The following AFF1 variants were observed in gnomAD, a reference collection of about 807,000 sequenced individuals.
The protein encoded by AFF1 is AF4/FMR2 family member 1.
Under a neutral mutation model 121.7 loss-of-function variants are expected in AFF1, and 48 were observed. The ratio of observed to expected loss-of-function variants is 0.39; its 90% CI spans 0.31 to 0.50. The LOEUF is 0.50. Ranked by LOEUF, AFF1 falls within the 20% of genes least tolerant of loss-of-function variation. AFF1 has a pLI of 0.76. For synonymous variants in AFF1, 613 were observed against 563.0 expected (o/e 1.09, Z -1.26); for missense variants, 1,523 against 1,511.7 (o/e 1.01, Z -0.12).
chr4:87,005,240 A>G (rs1726012086), intron 2 of AFF1, among the ~76,000 whole-genome samples: 2 of 152,282 alleles, frequency 1.3e-5, no homozygotes, highest in South Asian at 4.1e-4. Context: ...TAGCCTCCCA[A>G]AGTGCTGGGA....
At chr4:86,988,325 C>A (rs1228295528) in intron 2 of AFF1, among the ~76,000 whole-genome samples, 1 of 152,154 alleles carries the variant, frequency 6.6e-6, no homozygotes, top group Non-Finnish European at 1.5e-5. Flanking sequence ...TCTCTCCATA[C>A]CCCGCCTCCC....
intron 2 of AFF1, among the ~76,000 whole-genome samples, chr4:87,021,274 T>C (rs554280359): frequency 6.6e-6 from 1 of 152,324 alleles, no homozygotes; most frequent in East Asian, 1.9e-4. Context: ...CCGTGTTCTT[T>C]GTAGATTTTC....
intron 5 of AFF1, among the ~76,000 whole-genome samples, 181 bp downstream of exon 5, chr4:87,084,345 C>A (rs1723477442): frequency 6.6e-6 from 1 of 151,966 alleles, no homozygotes; most frequent in South Asian, 2.1e-4. Flanking sequence ...TCACGACCAG[C>A]CTGGACAACA....
chr4:87,122,125 A>G (rs1297857640), intron 12 of AFF1, among the ~76,000 whole-genome samples: 4 of 152,218 alleles, frequency 2.6e-5, no homozygotes, highest in Non-Finnish European at 5.9e-5. Context: ...CTAATGTTCA[A>G]TTTAGTATCG....
chr4:87,091,931 C>A (rs917863789), intron 7 of AFF1, 102 bp downstream of exon 7: 1 of 758,568 alleles, frequency 1.3e-6, no homozygotes, highest in Non-Finnish European at 2.2e-6. Context: ...GAGATGAGGC[C>A]TTCCTATGTT....
At chr4:87,124,337 G>T (rs2149788180) in intron 12 of AFF1, among the ~76,000 whole-genome samples, 1 of 151,932 alleles carries the variant, frequency 6.6e-6, no homozygotes, top group East Asian at 1.9e-4. Context: ...TCTTTTCAGG[G>T]TTTTTTGAAA....
intron 8 of AFF1, among the ~76,000 whole-genome samples, chr4:87,098,145 G>T (rs1725060778): frequency 6.6e-6 from 1 of 152,166 alleles, no homozygotes; most frequent in Non-Finnish European, 1.5e-5. Flanking sequence ...ATAAAAGAGA[G>T]GCCCAGTAGT....
chr4:86,944,466 A>C lies in AFF1; in HGVS notation c.-36-4032A>C, dbSNP rs187368675. ...ACTGCAAGCTCCATCTCCCAGGTTC[A>C]CGCCATTCTCCTGCCTCAGGCACGC... On this transcript the variant is annotated intron_variant, in intron 1 of 20. Transcript: ENST00000395146. Among the ~76,000 whole-genome samples, 586 of 151,608 alleles carry C rather than the reference A, an allele frequency of 3.9e-3. 3 individuals are homozygous for C. The highest frequency in any genetic ancestry group is 0.013 in the African/African-American group (555 of 41,218).
intron 5 of AFF1, among the ~76,000 whole-genome samples, chr4:87,088,401 A>G (rs1197682882): frequency 2.6e-5 from 4 of 152,230 alleles, no homozygotes; most frequent in Non-Finnish European, 5.9e-5. Context: ...GGGAAGGGCA[A>G]CGGGAGACCT....
At chr4:87,051,842 G>A (rs1227987691) in intron 4 of AFF1, among the ~76,000 whole-genome samples, 1 of 152,166 alleles carries the variant, frequency 6.6e-6, no homozygotes, top group African/African-American at 2.4e-5. Flanking sequence ...TGAGATCAAG[G>A]TAGACAGATC....
In AFF1 at chr4:87,136,268, A is replaced by G. The variant is rs1578333644; in HGVS notation, c.*567A>G. The G allele has an allele frequency of 1.3e-5, 3 of 232,156 alleles. No homozygotes were observed. In the East Asian group the frequency reaches 1.8e-4, roughly 14 times the overall value. 14.4% of individuals were successfully genotyped at this position (232,156 alleles called of 1,614,324 possible). A position where few individuals can be genotyped will look rare whatever the true frequency, so the allele number is the denominator to read the frequency against. Reference sequence around the variant, plus strand: ...CTCCACTGTGCCCCACTTTCTGCCAATGAACAGTGGCTTGATAATACCAAG... The same window carrying G: ...CTCCACTGTGCCCCACTTTCTGCCAGTGAACAGTGGCTTGATAATACCAAG... On this transcript the variant is annotated 3_prime_UTR_variant, in exon 21 of 21. Coordinates refer to ENST00000395146, the MANE Select transcript of AFF1 (RefSeq NM_001166693.3).
chr4:87,079,381 T>C (rs1284162442), intron 4 of AFF1, among the ~76,000 whole-genome samples: 2 of 152,258 alleles, frequency 1.3e-5, no homozygotes, highest in African/African-American at 4.8e-5. Context: ...CACAATGTCA[T>C]TCCAGGAGGA....
intron 2 of AFF1, among the ~76,000 whole-genome samples, chr4:87,023,421 A>G (rs977310709): frequency 6.9e-6 from 1 of 144,828 alleles, no homozygotes; most frequent in South Asian, 2.1e-4. Context: ...TTACTGACTT[A>G]TTATAAAAAC....
At chr4:86,996,628 T>A (rs1005367326) in intron 2 of AFF1, among the ~76,000 whole-genome samples, 5 of 151,746 alleles carry the variant, frequency 3.3e-5, no homozygotes, top group African/African-American at 1.2e-4. Flanking sequence ...ACCAGAGACC[T>A]TTGTTCACTT....
chr4:87,083,949 A>G (rs1253902275), intron 4 of AFF1, among the ~76,000 whole-genome samples, 171 bp from the exon 5 acceptor site: 1 of 152,136 alleles, frequency 6.6e-6, no homozygotes, highest in East Asian at 1.9e-4. Context: ...TGCTTTTGGT[A>G]GAAATGGGGT....
At chr4:87,087,310 C>A (rs1287791045) in intron 5 of AFF1, among the ~76,000 whole-genome samples, 1 of 152,170 alleles carries the variant, frequency 6.6e-6, no homozygotes, top group East Asian at 1.9e-4. Context: ...AAGAGAAATA[C>A]ATAGTGTTGG....
chr4:87,088,601 G>A (rs1723969349), intron 5 of AFF1, among the ~76,000 whole-genome samples: 1 of 123,800 alleles, frequency 8.1e-6, no homozygotes, highest in South Asian at 2.9e-4. Flanking sequence ...AGAGTTGTAT[G>A]TCAATTTTTT....
At chr4:86,989,069 A>G (rs1196648216) in intron 2 of AFF1, among the ~76,000 whole-genome samples, 1 of 152,220 alleles carries the variant, frequency 6.6e-6, no homozygotes, top group African/African-American at 2.4e-5. Context: ...CATAAGACCT[A>G]AAACCATAAA....
At chr4:87,039,705 A>G (rs10516788) in intron 2 of AFF1, among the ~76,000 whole-genome samples, 31,352 of 152,036 alleles carry the variant, frequency 0.21, 3,398 homozygotes, top group East Asian at 0.32. Context: ...TTGAACCTCA[A>G]AGATGGTGGA....
Sources: allele counts gnomAD v4.1 joint callset (sites outside exome capture counted in the v4.1 genomes callset), GRCh38; gene constraint gnomAD v4.1.1; transcripts MANE v1.5; gene names NCBI Gene and HGNC (gene_info 2026-07-23, HGNC 2026-07-21).